UNC79: variants seen among roughly 807,000 people sequenced by gnomAD.
UNC79 encodes the protein unc-79 subunit of NALCN channel complex.
A neutral mutation model predicts 283.1 loss-of-function variants in UNC79; 37 were observed. That is an observed-to-expected ratio of 0.13 (90% CI 0.10 to 0.17). The LOEUF (loss-of-function observed/expected upper bound fraction) is 0.17, where lower values mean the gene tolerates loss of function less well. Among genes scored for constraint, UNC79 ranks in the 10% least tolerant of loss-of-function variants. The probability of loss-of-function intolerance (pLI) is 1.00; values close to 1 mark genes in which losing one functional copy is unlikely to be tolerated. For synonymous variants in UNC79, 1,107 were observed against 1,200.2 expected (o/e 0.92, Z 1.61); for missense variants, 2,272 against 3,211.1 (o/e 0.71, Z 7.07).
intron 14 of UNC79, among the ~76,000 whole-genome samples, chr14:93,567,892 T>C (rs1373264198): frequency 2.6e-5 from 4 of 152,178 alleles, no homozygotes; most frequent in Non-Finnish European, 4.4e-5. Context: ...AATCAATATA[T>C]GTAAGAAATA....
chr14:93,524,786 A>G (rs2060473075), intron 8 of UNC79, among the ~76,000 whole-genome samples: 1 of 152,174 alleles, frequency 6.6e-6, no homozygotes, highest in Admixed American at 6.5e-5. Flanking sequence ...CTGTGTCTGG[A>G]TTTGCAAGGT....
intron 47 of UNC79, among the ~76,000 whole-genome samples, chr14:93,701,798 A>G (rs1185099529): frequency 2.0e-5 from 3 of 152,246 alleles, no homozygotes; most frequent in Non-Finnish European, 4.4e-5. Context: ...GGTCCCTTGC[A>G]GGTATATTTT....
intron 12 of UNC79, 30 bp from the exon 13 acceptor site, chr14:93,540,630 C>CT (rs1399078590): frequency 7.5e-6 from 12 of 1,601,822 alleles, no homozygotes; most frequent in Admixed American, 3.5e-5. Flanking sequence ...TTTTCACAGT[C>CT]TAACTTGAAA....
chr14:93,467,647 T>A (rs754160259), intron 1 of UNC79, 24 bp from the exon 2 acceptor site: 3 of 1,102,928 alleles, frequency 2.7e-6, no homozygotes, highest in Middle Eastern at 3.0e-4. Flanking sequence ...TTTTTTTTTT[T>A]TTTTTTTTTT....
intron 37 of UNC79, among the ~76,000 whole-genome samples, chr14:93,654,233 A>G (rs1214233862): frequency 6.6e-6 from 1 of 152,178 alleles, no homozygotes; most frequent in Non-Finnish European, 1.5e-5. Flanking sequence ...GCTCATGCCT[A>G]TAATCCCAGC....
At chr14:93,669,958 A>C (rs1373263179) in intron 40 of UNC79, among the ~76,000 whole-genome samples, 1 of 152,226 alleles carries the variant, frequency 6.6e-6, no homozygotes, top group Non-Finnish European at 1.5e-5. Flanking sequence ...AGTGAAAATG[A>C]ATAGGAAGAA....
chr14:93,405,354 T>C (rs2140037865), intron 1 of UNC79, among the ~76,000 whole-genome samples: 1 of 151,716 alleles, frequency 6.6e-6, no homozygotes, highest in Non-Finnish European at 1.5e-5. Flanking sequence ...TTAAATATTA[T>C]ATATGATATT....
In UNC79 at chr14:93,418,755, G is replaced by A. The variant is rs372672950; in HGVS notation, c.-350-48916G>A. On this transcript the variant is annotated intron_variant, in intron 1 of 49. Transcript: ENST00000256339. ...GCGCCCCTCCCCCAGCCTCGCTGCCGCCTTGCAGTTTGATCTCAGACTGCT... is the reference window on the plus strand; with the variant it reads ...GCGCCCCTCCCCCAGCCTCGCTGCCACCTTGCAGTTTGATCTCAGACTGCT... 3.0e-3 allele frequency among the ~76,000 whole-genome samples: 463 copies of A among 151,876 alleles called. 13 individuals carry two copies. The highest frequency in any genetic ancestry group is 0.022 in the East Asian group (114 of 5,120).
chr14:93,586,555 G>A, intron 20 of UNC79, 41 bp from the exon 21 acceptor site: 1 of 1,527,172 alleles, frequency 6.5e-7, no homozygotes. Flanking sequence ...ATGGGGGAGA[G>A]GAAGAGTTAG....
intron 7 of UNC79, among the ~76,000 whole-genome samples, chr14:93,522,862 C>G (rs1276122549): frequency 6.6e-6 from 1 of 152,092 alleles, no homozygotes. Context: ...GACACATAAT[C>G]TTATACATGG....
intron 1 of UNC79, among the ~76,000 whole-genome samples, chr14:93,460,000 C>G (rs533940055): frequency 1.5e-4 from 19 of 124,682 alleles, no homozygotes; most frequent in Non-Finnish European, 2.7e-4. Context: ...CTCACAATAA[C>G]TTTGCAAGGT....
intron 5 of UNC79, among the ~76,000 whole-genome samples, chr14:93,490,888 G>A (rs2058691498): frequency 6.6e-6 from 1 of 152,094 alleles, no homozygotes; most frequent in Admixed American, 6.5e-5. Context: ...ATTTTTAGCT[G>A]TTTGTTACAG....
chr14:93,535,369 T>G (rs1036071653), intron 11 of UNC79, among the ~76,000 whole-genome samples: 10 of 152,242 alleles, frequency 6.6e-5, no homozygotes, highest in African/African-American at 2.4e-4. Context: ...TTAGAATTGA[T>G]GGCATGTGGT....
chr14:93,689,589 A>T (rs1217754281), intron 44 of UNC79: 1 of 145,584 alleles, frequency 6.9e-6, no homozygotes, highest in Non-Finnish European at 1.5e-5. Flanking sequence ...TCCTGGGTTT[A>T]AGTGATCCTC....
rs1460863736 is a variant in UNC79, at chr14:93,690,217, C to T, written c.7186C>T (p.Pro2396Ser). ...TGCAGTGTGCCCAAATGCCTCCTCT[C>T]CCTGCCTGCCCATTCCTCTGGATGC... Residue 2396 changes from proline (P) to serine (S), a missense_variant, in exon 45 of 49, where the codon CCC becomes TCC. Around this residue, in one of 11 missense-constraint regions of UNC79, gnomAD observed 225 missense variants for 334.2 expected, o/e 0.67. Coordinates refer to ENST00000555664, the Ensembl canonical transcript of UNC79. The surrounding 1 kb of genome is among the most constrained non-coding windows in gnomAD (Gnocchi z 4.3). The T allele has an allele frequency of 6.2e-7, 1 of 1,614,184 alleles. No individual in the cohort carries two copies.
intron 5 of UNC79, among the ~76,000 whole-genome samples, chr14:93,492,752 T>C (rs2058792570): frequency 6.6e-6 from 1 of 152,244 alleles, no homozygotes; most frequent in Non-Finnish European, 1.5e-5. Context: ...CAGTGATGGC[T>C]CTGAACAACG....
At chr14:93,540,714 G>A (rs1422704180) in exon 13 of UNC79, 1 of 1,613,812 alleles carries the variant, frequency 6.2e-7, no homozygotes. Context: ...AGCTGAACCG[G>A]CGGCGGCAGC....
At chr14:93,538,370 T>C (rs2061187523) in intron 12 of UNC79, 152 bp downstream of exon 12, 3 of 831,300 alleles carry the variant, frequency 3.6e-6, no homozygotes, top group Non-Finnish European at 5.3e-6. Flanking sequence ...GCTATTTTAA[T>C]TCATGAATTC....
intron 30 of UNC79, 40 bp downstream of exon 32, chr14:93,622,881 A>T: frequency 6.3e-7 from 1 of 1,586,714 alleles, no homozygotes; most frequent in Non-Finnish European, 8.6e-7. Flanking sequence ...CTTAACTTTA[A>T]GTTTGTGCAT....
Sources: gnomAD v4.1 joint callset for allele counts (sites outside exome capture counted in the v4.1 genomes callset) on GRCh38, gnomAD v4.1.1 for gene constraint, gnomAD v4.1.1 regional missense constraint, Gnocchi (gnomAD v3.1) non-coding constraint, MANE v1.5 for transcripts, NCBI Gene and HGNC (gene_info 2026-07-23, HGNC 2026-07-21) for gene names.